The following HS6ST3 variants were observed in gnomAD, a reference collection of about 807,000 sequenced individuals.
The protein encoded by HS6ST3 is heparan sulfate 6-O-sulfotransferase 3.
HS6ST3 carries 12 observed loss-of-function variants against 36.7 expected under a neutral mutation model. The ratio of observed to expected loss-of-function variants is 0.33; its 90% CI spans 0.21 to 0.53. HS6ST3 has a LOEUF of 0.53. Ranked by LOEUF, HS6ST3 falls within the 20% of genes least tolerant of loss-of-function variation. The pLI is 0.95. For synonymous variants in HS6ST3, 240 were observed against 257.5 expected (o/e 0.93, Z 0.65); for missense variants, 584 against 640.9 (o/e 0.91, Z 0.96).
chr13:96,798,508 G>A (rs1177463015), intron 1 of HS6ST3, among the ~76,000 whole-genome samples: 1 of 152,058 alleles, frequency 6.6e-6, no homozygotes, highest in Non-Finnish European at 1.5e-5. Flanking sequence ...GGAGTTGTGC[G>A]CTAGGAGACT....
intron 1 of HS6ST3, among the ~76,000 whole-genome samples, chr13:96,092,825 C>G (rs950023281): frequency 6.6e-6 from 1 of 152,186 alleles, no homozygotes; most frequent in East Asian, 1.9e-4. Flanking sequence ...TCTTCAGATA[C>G]TTTCCTTCCT....
chr13:96,816,904 C>T (rs1878432592), intron 1 of HS6ST3, among the ~76,000 whole-genome samples: 1 of 152,162 alleles, frequency 6.6e-6, no homozygotes, highest in Non-Finnish European at 1.5e-5. Context: ...AGGTCGTGTT[C>T]TCTCTTCTGC....
At chr13:96,303,329 A>G (rs1349161163) in intron 1 of HS6ST3, among the ~76,000 whole-genome samples, 1 of 152,222 alleles carries the variant, frequency 6.6e-6, no homozygotes, top group East Asian at 1.9e-4. Flanking sequence ...TGAGGACTGC[A>G]GAGATCTGGG....
intron 1 of HS6ST3, among the ~76,000 whole-genome samples, chr13:96,299,083 G>C (rs1258986700): frequency 6.6e-6 from 1 of 152,096 alleles, no homozygotes; most frequent in African/African-American, 2.4e-5. Context: ...GTTTCTTTGG[G>C]CTATTTCTCA....
At chr13:96,780,298 G>A (rs922938334) in intron 1 of HS6ST3, among the ~76,000 whole-genome samples, 3 of 152,136 alleles carry the variant, frequency 2.0e-5, no homozygotes, top group African/African-American at 4.8e-5. Context: ...TAGGTTAGTC[G>A]TAGTTTTCGT....
At chr13:96,141,097 G>T (rs1392762128) in intron 1 of HS6ST3, among the ~76,000 whole-genome samples, 4 of 152,136 alleles carry the variant, frequency 2.6e-5, no homozygotes, top group Admixed American at 1.3e-4. Context: ...ATATGTATTA[G>T]GAAGAGAAGG....
At chr13:96,812,486 T>C (rs1242061385) in intron 1 of HS6ST3, among the ~76,000 whole-genome samples, 2 of 152,206 alleles carry the variant, frequency 1.3e-5, no homozygotes, top group African/African-American at 4.8e-5. Context: ...GTAGACATGT[T>C]ACCGAGCAAA....
chr13:96,269,946 A>G (rs1313669083), intron 1 of HS6ST3, among the ~76,000 whole-genome samples: 1 of 151,928 alleles, frequency 6.6e-6, no homozygotes, highest in African/African-American at 2.4e-5. Flanking sequence ...GTTGGTCTCT[A>G]GCTCTCTGTA....
At chr13:96,576,648 G>A (rs1051928138) in intron 1 of HS6ST3, among the ~76,000 whole-genome samples, 6 of 151,958 alleles carry the variant, frequency 3.9e-5, no homozygotes, top group African/African-American at 1.4e-4. Context: ...TTTTTTTCTT[G>A]TAGAAATGTT....
intron 1 of HS6ST3, among the ~76,000 whole-genome samples, chr13:96,484,866 G>T (rs1009304529): frequency 6.6e-6 from 1 of 152,118 alleles, no homozygotes; most frequent in African/African-American, 2.4e-5. Flanking sequence ...ATGTGAGATT[G>T]CTGGGTCATA....
intron 1 of HS6ST3, among the ~76,000 whole-genome samples, chr13:96,191,954 G>T (rs764081857): frequency 6.6e-6 from 1 of 152,198 alleles, no homozygotes; most frequent in African/African-American, 2.4e-5. Context: ...TTTCGAGTCA[G>T]AGAGCATAGG....
intron 1 of HS6ST3, among the ~76,000 whole-genome samples, chr13:96,468,493 C>T (rs1007152924): frequency 2.0e-5 from 3 of 151,646 alleles, no homozygotes; most frequent in African/African-American, 7.3e-5. Flanking sequence ...CACACACACA[C>T]ACACACACAC....
intron 1 of HS6ST3, among the ~76,000 whole-genome samples, chr13:96,481,322 G>C (rs925417386): frequency 1.1e-4 from 17 of 152,218 alleles, no homozygotes; most frequent in African/African-American, 3.9e-4. Flanking sequence ...TCACAAGCCA[G>C]AAACAAGAGC....
intron 1 of HS6ST3, among the ~76,000 whole-genome samples, chr13:96,518,590 A>G (rs2056081753): frequency 6.6e-6 from 1 of 152,166 alleles, no homozygotes; most frequent in South Asian, 2.1e-4. Flanking sequence ...TCTTAAAACT[A>G]GTAACATGGT....
chr13:96,478,303 T>A (rs1285796951), intron 1 of HS6ST3, among the ~76,000 whole-genome samples: 1 of 152,070 alleles, frequency 6.6e-6, no homozygotes, highest in Non-Finnish European at 1.5e-5. Flanking sequence ...ACAGTGAAAA[T>A]GTGTAGAGAA....
At chr13:96,275,754 T>C (rs2054744981) in intron 1 of HS6ST3, among the ~76,000 whole-genome samples, 1 of 152,192 alleles carries the variant, frequency 6.6e-6, no homozygotes. Context: ...TCACAGCTTT[T>C]ATGCAAGGCT....
intron 1 of HS6ST3, among the ~76,000 whole-genome samples, chr13:96,535,327 C>T (rs1235926650): frequency 5.3e-5 from 8 of 152,062 alleles, no homozygotes; most frequent in South Asian, 2.1e-4. Flanking sequence ...GAAACCAAGG[C>T]GGGCGAATCA....
In HS6ST3 at chr13:96,756,885, T is replaced by TA. The variant is rs545419812; in HGVS notation, c.708-75599dup. On this transcript the variant is annotated intron_variant, in intron 1 of 1. Transcript: ENST00000376705. Reference sequence around the variant, plus strand: ...CATTGTATTCGTTTTCTATGCTGCATAAAAAATCACTGCAATTCAGTGGCT... The same window carrying TA: ...CATTGTATTCGTTTTCTATGCTGCATAAAAAAATCACTGCAATTCAGTGGCT... Among the ~76,000 whole-genome samples, 7 of 152,322 alleles carry TA rather than the reference T, an allele frequency of 4.6e-5. No individual in the cohort carries two copies. In the South Asian group the frequency reaches 1.5e-3, roughly 32 times the overall value.
intron 1 of HS6ST3, among the ~76,000 whole-genome samples, chr13:96,107,248 A>G (rs1371629276): frequency 2.6e-5 from 4 of 152,134 alleles, no homozygotes. Flanking sequence ...GCTGGACTGT[A>G]GGAGATAATG....
Sources: allele counts gnomAD v4.1 joint callset (sites outside exome capture counted in the v4.1 genomes callset), GRCh38; gene constraint gnomAD v4.1.1; transcripts MANE v1.5; gene names NCBI Gene and HGNC (gene_info 2026-07-23, HGNC 2026-07-21).